The following FAM167A variants were observed in gnomAD, a reference collection of about 807,000 sequenced individuals.
FAM167A encodes the protein family with sequence similarity 167 member A, also known as protein FAM167A.
A neutral mutation model predicts 14.9 loss-of-function variants in FAM167A; 23 were observed. The observed-to-expected ratio is 1.55, with a 90% confidence interval of 1.11 to 2.19. The LOEUF (loss-of-function observed/expected upper bound fraction) is 2.19, where lower values mean the gene tolerates loss of function less well. Among genes scored for constraint, FAM167A ranks in the 30% most tolerant of loss-of-function variants. FAM167A has a pLI of 0.00. For missense variants in FAM167A, 401 were observed against 281.5 expected (o/e 1.42, Z -3.04); for synonymous variants, 174 against 117.7 (o/e 1.48, Z -3.10).
At position 11,457,012 on chromosome 8, in the gene FAM167A, C is replaced by T. The variant is rs994148149; in HGVS notation, c.-398+9614G>A. On this transcript the variant is annotated intron_variant, in intron 1 of 2. Coordinates refer to ENST00000284486, the MANE Select transcript of FAM167A (RefSeq NM_053279.3). ...GGTGGGGCTGGGTTAGGGAAGTGGGCGGGGCTGGGTTAGGGGTATGGGCGG... is the reference window on the plus strand; with the variant it reads ...GGTGGGGCTGGGTTAGGGAAGTGGGTGGGGCTGGGTTAGGGGTATGGGCGG... 8.3e-5 allele frequency among the ~76,000 whole-genome samples: 5 copies of T among 60,064 alleles called. No homozygotes were observed. In the Admixed American group the frequency reaches 8.9e-4, roughly 11 times the overall value. 39.4% of individuals were successfully genotyped at this position (60,064 alleles called of 152,430 possible). A position where few individuals can be genotyped will look rare whatever the true frequency, so the allele number is the denominator to read the frequency against.
Position 11,424,353 on chromosome 8 carries a change from C to T in FAM167A, c.*20G>A. ...GCCCAAGCCCTCCGCTCCAGCCCCT[C>T]CGCCCAGTCTGAGGGCTCCTCAGCA... On this transcript the variant is annotated 3_prime_UTR_variant, in exon 3 of 3. Coordinates refer to ENST00000284486, the MANE Select transcript of FAM167A (RefSeq NM_053279.3). The T allele has an allele frequency of 6.2e-7, 1 of 1,613,334 alleles. No individual in the cohort carries two copies. Among genetic ancestry groups the T allele is most frequent in the Non-Finnish European group, 8.5e-7 (1 of 1,179,400 alleles).
At chr8:11,438,489 C>A (rs1194955741) in intron 2 of FAM167A, 1 of 457,358 alleles carries the variant, frequency 2.2e-6, no homozygotes, top group Admixed American at 2.3e-5. Context: ...ATTACATTGG[C>A]AAGGGAGAGA....
At chr8:11,438,533 C>T (rs1410858278) in intron 2 of FAM167A, 2 of 456,784 alleles carry the variant, frequency 4.4e-6, no homozygotes, top group Admixed American at 2.4e-5. Flanking sequence ...CTTCTTTGGT[C>T]TTTCAATAAT....
At position 11,475,501 on chromosome 8, in the gene FAM167A, G is replaced by A. The variant is rs190808854; in HGVS notation, c.-398+365C>T. ...TCAGAGTCTAAAAGAAATCAGATGA[G>A]GCCCAAAAGAAATCAAGCAGAAGCC... On this transcript the variant is annotated intron_variant, in intron 1 of 1. Transcript: ENST00000648766. 2.6e-5 allele frequency among the ~76,000 whole-genome samples: 4 copies of A among 151,932 alleles called. No homozygotes were observed. The East Asian group carries it at 7.8e-4, about 30-fold the overall frequency.
At chr8:11,439,369 G>A (rs1469728250) in intron 2 of FAM167A, among the ~76,000 whole-genome samples, 1 of 152,250 alleles carries the variant, frequency 6.6e-6, no homozygotes, top group East Asian at 1.9e-4. Context: ...ACACATGGAT[G>A]ACACCTGCCT....
chr8:11,475,178 G>T (rs1011774790), intron 1 of FAM167A, among the ~76,000 whole-genome samples: 1 of 152,134 alleles, frequency 6.6e-6, no homozygotes, highest in African/African-American at 2.4e-5. Flanking sequence ...CCACCGTGGT[G>T]CCCCCACCTT....
rs1371496518 is a variant in FAM167A, at chr8:11,422,312, C to G, written c.*2061G>C. On this transcript the variant is annotated 3_prime_UTR_variant, in exon 3 of 3. Transcript: ENST00000284486. ...GCATTTTTTCAGAATATGGGATGGG[C>G]TTTCCTGCATGGGTTCAAGGATGTT... 6.6e-6 allele frequency: 1 copy of G among 152,458 alleles called. No homozygotes were observed. The highest frequency in any genetic ancestry group is 1.5e-5 in the Non-Finnish European group (1 of 68,260). 9.4% of individuals were successfully genotyped at this position (152,458 alleles called of 1,614,324 possible).
chr8:11,429,822 A>G (rs1188934050), intron 2 of FAM167A, among the ~76,000 whole-genome samples: 1 of 152,202 alleles, frequency 6.6e-6, no homozygotes, highest in Non-Finnish European at 1.5e-5. Flanking sequence ...GCCACCTGGA[A>G]CTTCTGTGTC....
chr8:11,429,547 A>C (rs1805429175), intron 2 of FAM167A, among the ~76,000 whole-genome samples: 1 of 152,072 alleles, frequency 6.6e-6, no homozygotes, highest in Non-Finnish European at 1.5e-5. Context: ...TTTTCCCACA[A>C]CTCTAGATGG....
At chr8:11,445,543 G>A (rs2117094503) in intron 1 of FAM167A, 2 of 985,536 alleles carry the variant, frequency 2.0e-6, no homozygotes, top group South Asian at 4.7e-5. Context: ...GGCTTCTCGT[G>A]TTCACCTAAG....
upstream of FAM167A, among the ~76,000 whole-genome samples, chr8:11,472,437 GTTTTTT>G (rs113039104): frequency 5.7e-5 from 7 of 122,552 alleles, no homozygotes; most frequent in African/African-American, 1.6e-4. Flanking sequence ...TGTTTTTTGG[GTTTTTT>G]TTTTTTTTTT....
At chr8:11,433,513 GA>G (rs1805764730) in intron 2 of FAM167A, among the ~76,000 whole-genome samples, 1 of 152,206 alleles carries the variant, frequency 6.6e-6, no homozygotes, top group Non-Finnish European at 1.5e-5. Context: ...CAGCAAATCT[GA>G]AAACATGTTT....
intron 2 of FAM167A, chr8:11,434,188 G>A (rs767089552): frequency 6.6e-6 from 1 of 152,244 alleles, no homozygotes; most frequent in Admixed American, 6.5e-5. Flanking sequence ...TTTCCCAGAG[G>A]TCTCTATTCG....
upstream of FAM167A, among the ~76,000 whole-genome samples, chr8:11,470,001 C>A (rs1327726500): frequency 1.3e-5 from 2 of 152,180 alleles, no homozygotes; most frequent in Non-Finnish European, 2.9e-5. Flanking sequence ...CGTATTAGTA[C>A]CACTAAATAC....
chr8:11,452,259 T>A (rs112885336), intron 1 of FAM167A, among the ~76,000 whole-genome samples: 2 of 152,212 alleles, frequency 1.3e-5, no homozygotes, highest in Middle Eastern at 3.2e-3. Flanking sequence ...AGAATGACAA[T>A]TTCGCATATG....
chr8:11,427,089 T>C (rs1224485551), intron 2 of FAM167A, among the ~76,000 whole-genome samples: 1 of 152,218 alleles, frequency 6.6e-6, no homozygotes. Context: ...TTTGCAGCTA[T>C]CTTATCTAGA....
chr8:11,444,168 A>G lies in FAM167A; in HGVS notation c.244T>C (p.Leu82=). The part of the protein sequence containing the change: ...EEGERGGQEP[L]LPLREAGQHP... ...TGCCCAGCCTCTCTCAGGGGGAGCA[A>G]GGGCTCCTGCCCCCCACGCTCCCCC... Residue 82 remains leucine (L), a synonymous_variant, in exon 2 of 3, where the codon TTG becomes CTG. Coordinates refer to ENST00000284486, the MANE Select transcript of FAM167A (RefSeq NM_053279.3). The G allele has an allele frequency of 6.2e-7, 1 of 1,612,918 alleles. No individual in the cohort carries two copies. The highest frequency in any genetic ancestry group is 1.3e-5 in the African/African-American group (1 of 75,028).
intron 2 of FAM167A, among the ~76,000 whole-genome samples, chr8:11,437,005 A>T (rs1806064275): frequency 6.6e-6 from 1 of 152,066 alleles, no homozygotes; most frequent in Non-Finnish European, 1.5e-5. Context: ...AGGCAAATCT[A>T]TTTTCTGCCC....
chr8:11,473,654 C>T (rs978793638), intron 1 of FAM167A, among the ~76,000 whole-genome samples: 28 of 152,306 alleles, frequency 1.8e-4, no homozygotes, highest in African/African-American at 6.7e-4. Flanking sequence ...GCGGTTCTAT[C>T]TCTGGGTCTG....
Sources: gnomAD v4.1 joint callset for allele counts (sites outside exome capture counted in the v4.1 genomes callset) on GRCh38, gnomAD v4.1.1 for gene constraint, MANE v1.5 for transcripts, NCBI Gene and HGNC (gene_info 2026-07-23, HGNC 2026-07-21) for gene names.